LYPD6B: variants seen among roughly 807,000 people sequenced by gnomAD.
The protein encoded by LYPD6B is LY6/PLAUR domain containing 6B, also known as ly6/PLAUR domain-containing protein 6B.
LYPD6B carries 17 observed loss-of-function variants against 22.8 expected under a neutral mutation model. The ratio of observed to expected loss-of-function variants is 0.75; its 90% CI spans 0.51 to 1.12. LYPD6B has a LOEUF of 1.12. Among genes scored for constraint, LYPD6B ranks in the 50% most tolerant of loss-of-function variants. LYPD6B has a pLI of 0.00. For synonymous variants in LYPD6B, 106 were observed against 91.6 expected (o/e 1.16, Z -0.90); for missense variants, 221 against 258.3 (o/e 0.86, Z 0.99).
At chr2:149,121,891 C>G (rs908072393) in intron 1 of LYPD6B, among the ~76,000 whole-genome samples, 10 of 152,290 alleles carry the variant, frequency 6.6e-5, no homozygotes, top group African/African-American at 2.4e-4. Flanking sequence ...TCACCTGGCA[C>G]AGGACCCTGG....
At chr2:149,064,189 C>T (rs1684221888) in intron 1 of LYPD6B, among the ~76,000 whole-genome samples, 1 of 152,070 alleles carries the variant, frequency 6.6e-6, no homozygotes, top group South Asian at 2.1e-4. Flanking sequence ...GAAGTACAGC[C>T]CTATTTTGCT....
chr2:149,162,835 G>T (rs2105892382), intron 3 of LYPD6B, among the ~76,000 whole-genome samples: 1 of 152,170 alleles, frequency 6.6e-6, no homozygotes, highest in Middle Eastern at 3.4e-3. Context: ...TTTAATGGCT[G>T]CTGAGTACTC....
chr2:149,039,549 G>C (rs948673737), intron 1 of LYPD6B, among the ~76,000 whole-genome samples: 1 of 152,204 alleles, frequency 6.6e-6, no homozygotes, highest in Non-Finnish European at 1.5e-5. Context: ...GTGACCTTGG[G>C]CAAGTTACTG....
chr2:149,060,866 C>T (rs978464777), intron 1 of LYPD6B, among the ~76,000 whole-genome samples: 1 of 152,172 alleles, frequency 6.6e-6, no homozygotes, highest in Non-Finnish European at 1.5e-5. Flanking sequence ...TGATCTGCAT[C>T]TTTGTAGCTT....
chr2:149,093,514 A>C (rs1178321995), intron 1 of LYPD6B, among the ~76,000 whole-genome samples: 5 of 152,206 alleles, frequency 3.3e-5, no homozygotes, highest in Admixed American at 2.0e-4. Context: ...GATGATTTTT[A>C]CGTTTCTCTA....
At chr2:149,198,197 C>T (rs1375920992) in intron 3 of LYPD6B, among the ~76,000 whole-genome samples, 3 of 152,052 alleles carry the variant, frequency 2.0e-5, no homozygotes, top group African/African-American at 7.2e-5. Flanking sequence ...CACGTGCCAC[C>T]AGCCGAGCTA....
intron 2 of LYPD6B, among the ~76,000 whole-genome samples, chr2:149,154,733 A>G (rs170672): frequency 0.81 from 123,374 of 151,936 alleles, 50,241 homozygotes; most frequent in Non-Finnish European, 0.83. Context: ...GAAAAATGAG[A>G]CAGGTACAGT....
At chr2:149,159,914 T>TA (rs1255415931) in intron 2 of LYPD6B, among the ~76,000 whole-genome samples, 3 of 152,054 alleles carry the variant, frequency 2.0e-5, no homozygotes, top group Non-Finnish European at 2.9e-5. Flanking sequence ...TAATCACATA[T>TA]AAAAAATACC....
intron 1 of LYPD6B, among the ~76,000 whole-genome samples, chr2:149,107,263 T>C (rs1686524621): frequency 6.6e-6 from 1 of 152,186 alleles, no homozygotes. Flanking sequence ...AAGTGACTAA[T>C]GGACAGGTAG....
chr2:149,085,210 C>G (rs1260413469), intron 1 of LYPD6B, among the ~76,000 whole-genome samples: 5 of 152,214 alleles, frequency 3.3e-5, no homozygotes, highest in Non-Finnish European at 7.3e-5. Flanking sequence ...CTTGCCAGAG[C>G]TGGGCTTGCA....
At chr2:149,154,650 A>T (rs1226309139) in intron 2 of LYPD6B, among the ~76,000 whole-genome samples, 2 of 131,170 alleles carry the variant, frequency 1.5e-5, no homozygotes, top group Non-Finnish European at 3.2e-5. Flanking sequence ...CCTGTTGCTG[A>T]TGTTGGCAAC....
intron 2 of LYPD6B, among the ~76,000 whole-genome samples, chr2:149,143,446 C>T (rs577842805): frequency 5.7e-4 from 85 of 150,292 alleles, no homozygotes; most frequent in Admixed American, 1.8e-3. Flanking sequence ...TACAAGACTA[C>T]GCCATGTTTT....
At chr2:149,121,575 T>TC (rs1687360889) in intron 1 of LYPD6B, among the ~76,000 whole-genome samples, 1 of 152,070 alleles carries the variant, frequency 6.6e-6, no homozygotes, top group South Asian at 2.1e-4. Context: ...AACAAGGGAC[T>TC]CCAACAGTGG....
intron 3 of LYPD6B, among the ~76,000 whole-genome samples, chr2:149,174,847 A>G (rs1691146860): frequency 6.6e-6 from 1 of 151,952 alleles, no homozygotes; most frequent in South Asian, 2.1e-4. Flanking sequence ...TTAATACCTT[A>G]TGAATGGATG....
intron 1 of LYPD6B, among the ~76,000 whole-genome samples, chr2:149,060,696 A>G (rs909064329): frequency 3.4e-4 from 51 of 152,018 alleles, no homozygotes; most frequent in African/African-American, 1.2e-3. Flanking sequence ...GAAACTTGCA[A>G]TCCTCTTAAG....
At chr2:149,049,150 C>T (rs1209274070) in intron 1 of LYPD6B, among the ~76,000 whole-genome samples, 1 of 152,158 alleles carries the variant, frequency 6.6e-6, no homozygotes, top group Non-Finnish European at 1.5e-5. Flanking sequence ...AATGTGCCTT[C>T]AGTGGTACAC....
chr2:149,164,421 G>T (rs1002817761), intron 3 of LYPD6B, among the ~76,000 whole-genome samples: 46 of 152,226 alleles, frequency 3.0e-4, no homozygotes, highest in African/African-American at 1.0e-3. Context: ...TGACATGATT[G>T]GTTCTGACTG....
At chr2:149,080,011 C>T (rs1685053420) in intron 1 of LYPD6B, among the ~76,000 whole-genome samples, 1 of 152,178 alleles carries the variant, frequency 6.6e-6, no homozygotes, top group African/African-American at 2.4e-5. Context: ...GCTTTGTTTA[C>T]CAACATTGCC....
At chr2:149,148,867 T>A (rs1374351321) in intron 2 of LYPD6B, among the ~76,000 whole-genome samples, 1 of 152,150 alleles carries the variant, frequency 6.6e-6, no homozygotes, top group African/African-American at 2.4e-5. Flanking sequence ...GACGAACAAG[T>A]GTTTTACAGA....
Sources: gnomAD v4.1 joint callset for allele counts (sites outside exome capture counted in the v4.1 genomes callset) on GRCh38, gnomAD v4.1.1 for gene constraint, MANE v1.5 for transcripts, NCBI Gene and HGNC (gene_info 2026-07-23, HGNC 2026-07-21) for gene names.